The following LRP2 variants were observed in gnomAD, a reference collection of about 807,000 sequenced individuals.
LRP2 encodes low-density lipoprotein receptor-related protein 2.
Under a neutral mutation model 531.0 loss-of-function variants are expected in LRP2, and 172 were observed. The observed-to-expected ratio is 0.32, with a 90% confidence interval of 0.29 to 0.37. The LOEUF (loss-of-function observed/expected upper bound fraction) is 0.37, where lower values mean the gene tolerates loss of function less well. Among genes scored for constraint, LRP2 ranks in the 10% least tolerant of loss-of-function variants. The pLI is 1.00. For synonymous variants in LRP2, 1,992 were observed against 2,027.6 expected, an observed-to-expected ratio of 0.98 and a Z score of 0.47; for missense variants, 5,167 against 5,868.3, an observed-to-expected ratio of 0.88 and a Z score of 3.90.
chr2:169,232,187 C>T lies in LRP2; in HGVS notation c.5099-345G>A, dbSNP rs545977615. ...CCAAATAATCTGTCTCCTTACCTGA[C>T]CTAAAAGAGATCTTTTTGCATTAAA... On this transcript the variant is annotated intron_variant, in intron 30 of 78. Transcript: ENST00000649046. Among the ~76,000 whole-genome samples the T allele has an allele frequency of 5.4e-5, 8 of 148,412 alleles. 1 individual carries two copies. Among genetic ancestry groups the T allele is most frequent in the African/African-American group, 1.5e-4 (6 of 39,878 alleles).
intron 66 of LRP2, among the ~76,000 whole-genome samples, 171 bp from the exon 67 acceptor site, chr2:169,153,135 T>A (rs532816481): frequency 5.4e-4 from 83 of 152,370 alleles, no homozygotes; most frequent in Middle Eastern, 6.8e-3. Flanking sequence ...CTTTAAAACC[T>A]ATCAAACTTG....
chr2:169,258,146 C>A (rs1690391258), intron 17 of LRP2, among the ~76,000 whole-genome samples: 1 of 152,092 alleles, frequency 6.6e-6, no homozygotes. Context: ...GAAATTAAAG[C>A]AGATACTCTA....
intron 24 of LRP2, 126 bp downstream of exon 24, chr2:169,242,830 A>G (rs970689994): frequency 4.8e-5 from 38 of 790,412 alleles, no homozygotes; most frequent in Middle Eastern, 2.2e-4. Flanking sequence ...TCAATACCAC[A>G]TTCCTTTGAG....
chr2:169,278,811 T>C (rs547570321), intron 12 of LRP2, among the ~76,000 whole-genome samples: 280 of 152,296 alleles, frequency 1.8e-3, no homozygotes, highest in Non-Finnish European at 4.0e-4. Flanking sequence ...AATGTGAAGA[T>C]TGGGAAATTT....
chr2:169,173,915 T>G lies in LRP2; in HGVS notation c.11014+4A>C, dbSNP rs2105281642. The G allele has an allele frequency of 6.2e-7, 1 of 1,614,138 alleles. No homozygotes were observed. The highest frequency in any genetic ancestry group is 8.5e-7 in the Non-Finnish European group (1 of 1,180,020). On this transcript the variant is annotated splice_donor_region_variant and intron_variant, in intron 56 of 78. Transcript: ENST00000649046. Reference sequence around the variant, plus strand: ...CATGCCTTGGTCCTCCCACAGGAACTTACTGCATTCTTCAATGGGCTCATC... The same window carrying G: ...CATGCCTTGGTCCTCCCACAGGAACGTACTGCATTCTTCAATGGGCTCATC...
rs752469370 is a variant in LRP2, at chr2:169,233,563, G to A, written c.4946C>T (p.Thr1649Ile). The A allele has an allele frequency of 1.2e-6, 2 of 1,614,068 alleles. No homozygotes were observed. Among genetic ancestry groups the A allele is most frequent in the African/African-American group, 2.7e-5 (2 of 74,922 alleles). Reference protein sequence around the residue: ...DLIIRHPYALTLFEDSVYWTD... With the variant: ...DLIIRHPYALILFEDSVYWTD... Reference sequence around the variant, plus strand: ...CCAGTACACAGAGTCTTCAAAGAGAGTTAGGGCATAGGGGTGCCGTATAAT... The same window carrying A: ...CCAGTACACAGAGTCTTCAAAGAGAATTAGGGCATAGGGGTGCCGTATAAT... Residue 1649 changes from threonine (T) to isoleucine (I), a missense_variant, in exon 30 of 79, where the codon ACT becomes ATT. This residue lies in a region of LRP2 where 2,811 missense variants were observed against 3,058.0 expected (regional missense o/e 0.92). Transcript: ENST00000649046.
At chr2:169,200,035 G>A (rs930516671) in intron 44 of LRP2, among the ~76,000 whole-genome samples, 1 of 152,172 alleles carries the variant, frequency 6.6e-6, no homozygotes, top group Non-Finnish European at 1.5e-5. Context: ...CGGATCATGA[G>A]GTCAGGAGAT....
intron 16 of LRP2, among the ~76,000 whole-genome samples, chr2:169,261,587 A>G (rs1045568532): frequency 9.9e-5 from 15 of 152,012 alleles, no homozygotes; most frequent in African/African-American, 3.4e-4. Flanking sequence ...ACCACTGACT[A>G]TGAGGAATAT....
chr2:169,145,411 T>C (rs899551705), intron 70 of LRP2, among the ~76,000 whole-genome samples: 3 of 152,220 alleles, frequency 2.0e-5, no homozygotes, highest in Admixed American at 6.5e-5. Flanking sequence ...TTTTGTGACT[T>C]GTTAACCCAA....
At chr2:169,218,105 A>C (rs895726606) in intron 34 of LRP2, among the ~76,000 whole-genome samples, 12 of 152,178 alleles carry the variant, frequency 7.9e-5, no homozygotes, top group Admixed American at 5.9e-4. Context: ...AATAACATTT[A>C]TCACAACTTT....
intron 15 of LRP2, chr2:169,271,796 G>C: frequency 2.5e-6 from 1 of 400,760 alleles, no homozygotes; most frequent in Non-Finnish European, 3.4e-6. Context: ...TAGATACCAA[G>C]ATAATTAACA....
chr2:169,257,991 GTT>G (rs1166310358), intron 17 of LRP2, among the ~76,000 whole-genome samples: 1 of 152,034 alleles, frequency 6.6e-6, no homozygotes, highest in Non-Finnish European at 1.5e-5. Flanking sequence ...GAATTCAACA[GTT>G]TTTCAAAACC....
chr2:169,154,148 A>C (rs1005200696), intron 66 of LRP2, among the ~76,000 whole-genome samples: 2 of 152,186 alleles, frequency 1.3e-5, no homozygotes, highest in Non-Finnish European at 2.9e-5. Flanking sequence ...GAAATTTTCA[A>C]GGTGTACAAT....
chr2:169,222,994 C>T (rs1689073091), intron 33 of LRP2, among the ~76,000 whole-genome samples: 1 of 152,184 alleles, frequency 6.6e-6, no homozygotes, highest in Non-Finnish European at 1.5e-5. Context: ...CACTGGAGCA[C>T]AGGTATTTGT....
At chr2:169,131,853 T>C (rs1037738822) in intron 77 of LRP2, among the ~76,000 whole-genome samples, 3 of 152,230 alleles carry the variant, frequency 2.0e-5, no homozygotes, top group Admixed American at 1.3e-4. Context: ...ATATCTGGTA[T>C]AGCTGCAAAT....
intron 1 of LRP2, among the ~76,000 whole-genome samples, chr2:169,347,927 T>A (rs537622952): frequency 1.3e-4 from 20 of 152,206 alleles, no homozygotes; most frequent in Non-Finnish European, 1.9e-4. Flanking sequence ...GATCATAATA[T>A]GAGAAATTAA....
At position 169,188,178 on chromosome 2, in the gene LRP2, C is replaced by T. The variant is rs1687699544; in HGVS notation, c.9120G>A (p.Gln3040=). Residue 3040 remains glutamine (Q), a synonymous_variant, in exon 49 of 79, where the codon CAG becomes CAA. Transcript: ENST00000649046. Reference sequence around the variant, plus strand: ...AGGTTTTACTAATGCAGCGCCCGTTCTGACAGGTAAACTGATTCTGTTGGC... The same window carrying T: ...AGGTTTTACTAATGCAGCGCCCGTTTTGACAGGTAAACTGATTCTGTTGGC... ...QTCQQNQFTC[Q]NGRCISKTFV... The T allele has an allele frequency of 1.9e-6, 3 of 1,614,174 alleles. No individual in the cohort carries two copies. The highest frequency in any genetic ancestry group is 1.7e-6 in the Non-Finnish European group (2 of 1,180,028).
intron 16 of LRP2, among the ~76,000 whole-genome samples, chr2:169,262,166 T>A: frequency 6.7e-6 from 1 of 148,642 alleles, no homozygotes; most frequent in Non-Finnish European, 1.5e-5. Flanking sequence ...CTGGAAGCAT[T>A]CCCTTTGAAA....
chr2:169,238,854 T>A (rs888576814), intron 26 of LRP2, among the ~76,000 whole-genome samples: 4 of 152,184 alleles, frequency 2.6e-5, no homozygotes, highest in African/African-American at 9.7e-5. Context: ...ATGACTAAGT[T>A]CTGACCAATA....
Sources: gnomAD v4.1 joint callset for allele counts (sites outside exome capture counted in the v4.1 genomes callset) on GRCh38, gnomAD v4.1.1 for gene constraint, gnomAD v4.1.1 regional missense constraint, MANE v1.5 for transcripts, NCBI Gene and HGNC (gene_info 2026-07-23, HGNC 2026-07-21) for gene names.